EDIL3: variants seen among roughly 807,000 people sequenced by gnomAD.
EDIL3 encodes EGF like and discoidin domains 3.
A neutral mutation model predicts 67.4 loss-of-function variants in EDIL3; 37 were observed. The ratio of observed to expected loss-of-function variants is 0.55; its 90% CI spans 0.42 to 0.72. The LOEUF (loss-of-function observed/expected upper bound fraction) is 0.72. Ranked by LOEUF, EDIL3 falls within the 30% of genes least tolerant of loss-of-function variation. The pLI, the probability that EDIL3 is intolerant of heterozygous loss-of-function variation, is 0.00. For missense variants in EDIL3, 527 were observed against 586.3 expected (o/e 0.90, Z 1.04); for synonymous variants, 195 against 196.3 (o/e 0.99, Z 0.05).
intron 6 of EDIL3, among the ~76,000 whole-genome samples, chr5:84,085,886 C>A (rs1387808743): frequency 6.6e-6 from 1 of 152,158 alleles, no homozygotes; most frequent in Non-Finnish European, 1.5e-5. Flanking sequence ...TCAGAGATGC[C>A]CTGCCCAGTG....
intron 1 of EDIL3, among the ~76,000 whole-genome samples, chr5:84,299,358 G>A (rs1359220684): frequency 1.3e-5 from 2 of 152,174 alleles, no homozygotes; most frequent in East Asian, 3.9e-4. Flanking sequence ...TTTTCTTTAA[G>A]CAACATGCAT....
At chr5:84,024,570 C>T (rs1488001150) in intron 9 of EDIL3, among the ~76,000 whole-genome samples, 4 of 152,138 alleles carry the variant, frequency 2.6e-5, no homozygotes, top group Non-Finnish European at 5.9e-5. Flanking sequence ...AGGCAGGCAG[C>T]GTGGTAAAAG....
intron 4 of EDIL3, among the ~76,000 whole-genome samples, chr5:84,152,220 C>T (rs960805016): frequency 4.6e-5 from 7 of 152,116 alleles, no homozygotes; most frequent in African/African-American, 1.7e-4. Context: ...TCCCAGCCCT[C>T]TCTTTGCTTC....
At chr5:84,167,106 G>A (rs554475156) in intron 4 of EDIL3, among the ~76,000 whole-genome samples, 24 of 152,144 alleles carry the variant, frequency 1.6e-4, no homozygotes, top group South Asian at 1.4e-3. Context: ...TGAAGGTATC[G>A]GTCTGGATTT....
intron 1 of EDIL3, among the ~76,000 whole-genome samples, chr5:84,304,639 G>A (rs187808103): frequency 5.3e-4 from 81 of 152,266 alleles, no homozygotes; most frequent in African/African-American, 1.8e-3. Context: ...GTGAAATTAT[G>A]TTTTGAATGT....
At chr5:84,047,323 G>A (rs576676111) in intron 9 of EDIL3, among the ~76,000 whole-genome samples, 1 of 151,924 alleles carries the variant, frequency 6.6e-6, no homozygotes, top group East Asian at 1.9e-4. Flanking sequence ...TTACTTCCTT[G>A]TCTTATGGAA....
rs375109287 is a variant in EDIL3 at position 84,096,612 on chromosome 5, G to T, written c.651+10037C>A. ...TAGGCTCATAGGCTGAAGGGACTTG[G>T]TTTTTTTCAGATGAGACTTTGGACT... On this transcript the variant is annotated intron_variant, in intron 6 of 10. Coordinates refer to ENST00000296591, the MANE Select transcript of EDIL3 (RefSeq NM_005711.5). 1.3e-4 allele frequency among the ~76,000 whole-genome samples: 20 copies of T among 152,186 alleles called. 1 individual carries two copies. The East Asian group carries it at 3.1e-3, about 24-fold the overall frequency.
intron 6 of EDIL3, among the ~76,000 whole-genome samples, chr5:84,073,401 C>T (rs565112364): frequency 6.6e-6 from 1 of 152,146 alleles, no homozygotes; most frequent in Non-Finnish European, 1.5e-5. Flanking sequence ...AAGAGGAAGT[C>T]AAATTGTCCC....
intron 9 of EDIL3, among the ~76,000 whole-genome samples, chr5:84,059,219 A>G (rs1052633219): frequency 6.6e-6 from 1 of 151,944 alleles, no homozygotes; most frequent in South Asian, 2.1e-4. Context: ...TGAGCAACAC[A>G]GTGAGACACC....
intron 4 of EDIL3, among the ~76,000 whole-genome samples, chr5:84,138,659 T>C (rs1748135311): frequency 6.6e-6 from 1 of 152,124 alleles, no homozygotes; most frequent in African/African-American, 2.4e-5. Flanking sequence ...TGCCCTTTCT[T>C]TTGACATTTT....
intron 3 of EDIL3, among the ~76,000 whole-genome samples, chr5:84,220,981 C>T (rs1441014924): frequency 2.0e-5 from 3 of 152,044 alleles, no homozygotes; most frequent in African/African-American, 7.2e-5. Context: ...ATAACAGAAA[C>T]CAGACTTTTA....
intron 6 of EDIL3, among the ~76,000 whole-genome samples, chr5:84,070,606 AGTGTGTGTGTGTGT>A (rs35930293): frequency 0.012 from 1,769 of 144,736 alleles, 38 homozygotes; most frequent in African/African-American, 0.043. Flanking sequence ...TATGGTTAAG[AGTGTGTGTGTGTGT>A]GTGTGTGTGT....
chr5:84,376,542 C>T (rs994487553), intron 1 of EDIL3, among the ~76,000 whole-genome samples: 1 of 152,160 alleles, frequency 6.6e-6, no homozygotes, highest in East Asian at 1.9e-4. Flanking sequence ...ATCAACAGTG[C>T]TCTTGCAGGA....
chr5:84,096,799 C>T lies in EDIL3; in HGVS notation c.651+9850G>A, dbSNP rs142892655. Reference sequence around the variant, plus strand: ...CATCCAAATCTCATCTTGTAGTTCCCATAATTTCCACATGTGTGGGAGGGA... The same window carrying T: ...CATCCAAATCTCATCTTGTAGTTCCTATAATTTCCACATGTGTGGGAGGGA... On this transcript the variant is annotated intron_variant, in intron 6 of 10. Transcript: ENST00000296591. Among the ~76,000 whole-genome samples, 66 of 152,270 alleles carry T rather than the reference C, an allele frequency of 4.3e-4. 1 individual carries two copies. In the East Asian group the frequency reaches 0.013, roughly 29 times the overall value.
At position 84,137,274 on chromosome 5, in the gene EDIL3, G is replaced by C; in HGVS notation, c.436C>G (p.Pro146Ala). The change falls in exon 5 of 11, where the codon CCA becomes GCA. Residue 146 changes from proline to alanine, a missense_variant. Pro to Ala is a conservative substitution (Grantham distance 27). Around this residue, in one of 2 missense-constraint regions of EDIL3, gnomAD observed 494 missense variants for 522.5 expected, o/e 0.95. Coordinates refer to ENST00000296591, the MANE Select transcript of EDIL3 (RefSeq NM_005711.5). ...CAATTTCTTCCCATAAATTCGCCTG[G>C]GCACTCACAGGAATAGTTAGCAACA... Reference protein sequence around the residue: ...DLVANYSCECPGEFMGRNCQY... With the variant: ...DLVANYSCECAGEFMGRNCQY... The C allele has an allele frequency of 6.2e-7, 1 of 1,612,582 alleles. No individual in the cohort carries two copies. Among genetic ancestry groups the C allele is most frequent in the Non-Finnish European group, 8.5e-7 (1 of 1,179,688 alleles).
chr5:84,204,762 G>T, intron 3 of EDIL3, among the ~76,000 whole-genome samples: 1 of 142,998 alleles, frequency 7.0e-6, no homozygotes, highest in African/African-American at 2.6e-5. Flanking sequence ...TTTCTATTAT[G>T]CCCCTTTACA....
chr5:84,019,337 T>C (rs1029664692), intron 9 of EDIL3, among the ~76,000 whole-genome samples: 38 of 151,682 alleles, frequency 2.5e-4, no homozygotes, highest in African/African-American at 7.0e-4. Flanking sequence ...TAGGTGGGAA[T>C]TGAACAATGA....
chr5:84,124,038 C>T lies in EDIL3; in HGVS notation c.469+13203G>A, dbSNP rs184869776. Among the ~76,000 whole-genome samples the T allele has an allele frequency of 1.4e-3, 208 of 152,072 alleles. 1 individual carries two copies. Among genetic ancestry groups the T allele is most frequent in the Non-Finnish European group, 2.6e-3 (176 of 67,864 alleles). On this transcript the variant is annotated intron_variant, in intron 5 of 10. Coordinates refer to ENST00000296591, the MANE Select transcript of EDIL3 (RefSeq NM_005711.5). ...AATCAAAATAGATGAAGGTAACTTT[C>T]TCCCTAGAGAATTCTTACTAAACTC...
At chr5:84,216,294 A>C (rs187736144) in intron 3 of EDIL3, among the ~76,000 whole-genome samples, 1 of 152,314 alleles carries the variant, frequency 6.6e-6, no homozygotes, top group Admixed American at 6.5e-5. Flanking sequence ...TCTTTTCCAC[A>C]ATGTTTATGT....
Sources: gnomAD v4.1 joint callset for allele counts (sites outside exome capture counted in the v4.1 genomes callset) on GRCh38, gnomAD v4.1.1 for gene constraint, gnomAD v4.1.1 regional missense constraint, MANE v1.5 for transcripts, NCBI Gene and HGNC (gene_info 2026-07-23, HGNC 2026-07-21) for gene names.